The following NCOA2 variants were observed in gnomAD, a reference collection of about 807,000 sequenced individuals.
NCOA2 encodes the protein nuclear receptor coactivator 2.
A neutral mutation model predicts 145.1 loss-of-function variants in NCOA2; 21 were observed. The observed-to-expected ratio is 0.14, with a 90% confidence interval of 0.10 to 0.21. The LOEUF is 0.21. Ranked by LOEUF, NCOA2 falls within the 10% of genes least tolerant of loss-of-function variation. NCOA2 has a pLI of 1.00. For missense variants in NCOA2, 1,472 were observed against 1,837.6 expected, an observed-to-expected ratio of 0.80 and a Z score of 3.64; for synonymous variants, 619 against 637.5, an observed-to-expected ratio of 0.97 and a Z score of 0.44.
intron 13 of NCOA2, among the ~76,000 whole-genome samples, chr8:70,141,606 C>T (rs114637254): frequency 0.012 from 1,803 of 152,230 alleles, 50 homozygotes; most frequent in African/African-American, 0.041. Flanking sequence ...ATGGACCTGC[C>T]GCTCTTTATA....
chr8:70,127,708 A>C (rs1473205330), intron 18 of NCOA2, among the ~76,000 whole-genome samples: 1 of 152,026 alleles, frequency 6.6e-6, no homozygotes, highest in Non-Finnish European at 1.5e-5. Context: ...TTTATTTGTA[A>C]CCCCCAAATC....
chr8:70,372,289 T>C (rs1196772666), intron 1 of NCOA2, among the ~76,000 whole-genome samples: 1 of 152,174 alleles, frequency 6.6e-6, no homozygotes, highest in East Asian at 1.9e-4. Context: ...AAATCACTAC[T>C]AAAGCTCTCT....
chr8:70,205,897 T>A (rs1818385721), intron 4 of NCOA2, among the ~76,000 whole-genome samples: 1 of 152,130 alleles, frequency 6.6e-6, no homozygotes, highest in South Asian at 2.1e-4. Context: ...CAGATTCTTG[T>A]ATAGGAATGG....
At chr8:70,241,102 T>C (rs780990414) in intron 2 of NCOA2, among the ~76,000 whole-genome samples, 1 of 152,194 alleles carries the variant, frequency 6.6e-6, no homozygotes, top group Admixed American at 6.6e-5. Flanking sequence ...ATGGAATCCC[T>C]GGTATCTGTA....
chr8:70,139,408 A>T (rs578088185), intron 14 of NCOA2, among the ~76,000 whole-genome samples: 47 of 152,304 alleles, frequency 3.1e-4, no homozygotes, highest in African/African-American at 1.1e-3. Flanking sequence ...AAATATTTTT[A>T]AATTTCTCAT....
the NCOA2 span, among the ~76,000 whole-genome samples, chr8:70,454,415 C>G: frequency 6.6e-6 from 1 of 152,166 alleles, no homozygotes; most frequent in African/African-American, 2.4e-5. Flanking sequence ...TGACTGTAAA[C>G]TTTCCTTCTA....
intron 10 of NCOA2, among the ~76,000 whole-genome samples, chr8:70,159,244 T>TATATATATA: frequency 9.4e-4 from 65 of 69,248 alleles, no homozygotes; most frequent in African/African-American, 3.1e-3. Flanking sequence ...ATATATATAT[T>TATATATATA]TTTTTTTTTT....
chr8:70,449,086 G>A, the NCOA2 span, among the ~76,000 whole-genome samples: 4 of 152,218 alleles, frequency 2.6e-5, no homozygotes, highest in East Asian at 1.9e-4. Flanking sequence ...AATTACAGGC[G>A]TGAACCACAG....
At chr8:70,273,592 C>T (rs1473409) in intron 2 of NCOA2, 176,466 of 754,280 alleles carry the variant, frequency 0.23, 26,106 homozygotes, top group East Asian at 0.58. Flanking sequence ...ACCCTAAAGC[C>T]CAGACATCTC....
Position 70,111,620 on chromosome 8 carries a change from G to T in NCOA2, c.*2012C>A. ...GACCCCTCTCAAGTGGAAAAAAGTA[G>T]CGAAATGCAAATTTCCAGAAAGGTT... On this transcript the variant is annotated 3_prime_UTR_variant, in exon 23 of 23. Coordinates refer to ENST00000452400, the MANE Select transcript of NCOA2 (RefSeq NM_006540.4). The T allele has an allele frequency of 4.6e-6, 1 of 216,556 alleles. No homozygotes were observed. 13.4% of individuals were successfully genotyped at this position (216,556 alleles called of 1,614,324 possible). A position where few individuals can be genotyped will look rare whatever the true frequency, so the allele number is the denominator to read the frequency against.
At chr8:70,402,792 C>G (rs1814444949) in intron 1 of NCOA2, among the ~76,000 whole-genome samples, 1 of 151,616 alleles carries the variant, frequency 6.6e-6, no homozygotes, top group East Asian at 1.9e-4. Context: ...CGGCCCCGGC[C>G]CCAGCGCGCC....
At chr8:70,417,245 T>TAAA in the NCOA2 span, among the ~76,000 whole-genome samples, 1,049 of 77,948 alleles carry the variant, frequency 0.013, 110 homozygotes, top group African/African-American at 0.083. Flanking sequence ...TCGTCTCTAT[T>TAAA]AAAAAAAAAA....
intron 1 of NCOA2, among the ~76,000 whole-genome samples, chr8:70,375,933 C>A (rs1337857423): frequency 6.6e-6 from 1 of 152,082 alleles, no homozygotes; most frequent in Non-Finnish European, 1.5e-5. Context: ...TTAATTTTAT[C>A]CCCTGACAAT....
At chr8:70,246,112 A>G (rs968600284) in intron 2 of NCOA2, among the ~76,000 whole-genome samples, 4 of 152,094 alleles carry the variant, frequency 2.6e-5, no homozygotes, top group African/African-American at 7.2e-5. Context: ...TAAATAATCA[A>G]CTCTGAAAAC....
intron 1 of NCOA2, among the ~76,000 whole-genome samples, chr8:70,365,766 G>A (rs1354969735): frequency 6.6e-6 from 1 of 152,106 alleles, no homozygotes; most frequent in African/African-American, 2.4e-5. Flanking sequence ...AGAAAACACT[G>A]CTCTAAGTTC....
intron 1 of NCOA2, among the ~76,000 whole-genome samples, chr8:70,350,694 C>G (rs558945296): frequency 1.3e-5 from 2 of 152,194 alleles, no homozygotes; most frequent in African/African-American, 4.8e-5. Flanking sequence ...ACTCCATAAT[C>G]CCCTAAATAA....
chr8:70,192,785 C>T (rs1169482858), intron 4 of NCOA2, among the ~76,000 whole-genome samples: 4 of 152,036 alleles, frequency 2.6e-5, no homozygotes, highest in Non-Finnish European at 4.4e-5. Context: ...AAATGGAGAC[C>T]TGGCCAAGAA....
chr8:70,356,391 C>CT lies in NCOA2; in HGVS notation c.-77+47308dup, dbSNP rs750184471. 6.6e-5 allele frequency among the ~76,000 whole-genome samples: 10 copies of CT among 152,292 alleles called. No homozygotes were observed. The East Asian group carries it at 7.7e-4, about 12-fold the overall frequency. On this transcript the variant is annotated intron_variant, in intron 1 of 22. Coordinates refer to ENST00000452400, the MANE Select transcript of NCOA2 (RefSeq NM_006540.4). ...AGCAAAAACAAGTAAAATCACTCCA[C>CT]TAGTCATTCTACAGCAGCATAGGCA...
At chr8:70,283,835 C>T (rs1480096368) in intron 2 of NCOA2, among the ~76,000 whole-genome samples, 1 of 152,124 alleles carries the variant, frequency 6.6e-6, no homozygotes, top group Non-Finnish European at 1.5e-5. Flanking sequence ...TTCCAGTGAG[C>T]ATTTCCTTTT....
Sources: gnomAD v4.1 joint callset for allele counts (sites outside exome capture counted in the v4.1 genomes callset) on GRCh38, gnomAD v4.1.1 for gene constraint, MANE v1.5 for transcripts, NCBI Gene and HGNC (gene_info 2026-07-23, HGNC 2026-07-21) for gene names.